Variants in COLQ observed in about 807,000 individuals in gnomAD.
The protein encoded by COLQ is collagen like tail subunit of asymmetric acetylcholinesterase.
Under a neutral mutation model 69.0 loss-of-function variants are expected in COLQ, and 48 were observed. That is an observed-to-expected ratio of 0.70 (90% CI 0.55 to 0.88). The LOEUF (loss-of-function observed/expected upper bound fraction) is 0.88. COLQ is among the 40% of genes least tolerant of loss of function. The pLI is 0.00. For synonymous variants in COLQ, 217 were observed against 211.2 expected, an observed-to-expected ratio of 1.03 and a Z score of -0.24; for missense variants, 618 against 594.6, an observed-to-expected ratio of 1.04 and a Z score of -0.41.
chr3:15,506,733 T>A (rs2062916448), intron 1 of COLQ: 1 of 152,190 alleles, frequency 6.6e-6, no homozygotes, highest in African/African-American at 2.4e-5. Context: ...GGTTCACCCC[T>A]CCCTGAGCAA....
rs1161144711 is a variant in COLQ at position 15,458,471 on chromosome 3, C to T, written c.815-146G>A. ...CCTGAGGGAGAGGTTCAAAGAGATGCTTTTGATCCAAGACATGGAGGAGCT... is the reference window on the plus strand; with the variant it reads ...CCTGAGGGAGAGGTTCAAAGAGATGTTTTTGATCCAAGACATGGAGGAGCT... On this transcript the variant is annotated intron_variant, in intron 12 of 16. Coordinates refer to ENST00000383788, the MANE Select transcript of COLQ (RefSeq NM_005677.4). 3.4e-6 allele frequency: 3 copies of T among 889,828 alleles called. No homozygotes were observed. The East Asian group carries it at 7.7e-5, about 23-fold the overall frequency. 55.1% of individuals were successfully genotyped at this position (889,828 alleles called of 1,614,324 possible).
At chr3:15,466,546 G>T (rs555763475) in intron 11 of COLQ, 109 bp from the exon 12 acceptor site, 2 of 880,408 alleles carry the variant, frequency 2.3e-6, no homozygotes, top group African/African-American at 3.3e-5. Context: ...CAAGAGCCCA[G>T]TGGGGGATGC....
At chr3:15,498,352 A>G (rs2125157403) in intron 1 of COLQ, among the ~76,000 whole-genome samples, 1 of 152,344 alleles carries the variant, frequency 6.6e-6, no homozygotes, top group South Asian at 2.1e-4. Flanking sequence ...GGCTTTCACA[A>G]TGAGAAACAG....
chr3:15,453,372 T>G (rs750677412), intron 16 of COLQ, among the ~76,000 whole-genome samples: 1 of 152,176 alleles, frequency 6.6e-6, no homozygotes, highest in Non-Finnish European at 1.5e-5. Context: ...TCACTTGCAG[T>G]CACAGGCATG....
rs78063716 is a variant in COLQ at position 15,451,772 on chromosome 3, T to C, written c.1299-59A>G. ...CCTCTTATATGCTGGTGACTTCCGG[T>C]CAAACCTTATCAAACAGCGGCCAAG... On this transcript the variant is annotated intron_variant, in intron 16 of 16. Transcript: ENST00000383788. The C allele has an allele frequency of 6.5e-4, 933 of 1,432,790 alleles. 9 individuals are homozygous for C. In the East Asian group the frequency reaches 0.019, roughly 28 times the overall value. 88.8% of individuals were successfully genotyped at this position (1,432,790 alleles called of 1,614,324 possible).
At position 15,470,576 on chromosome 3, in the gene COLQ, T is replaced by C. The variant is rs1331688753; in HGVS notation, c.677A>G (p.His226Arg). ...GPKGEPGIAG[H>R]RGPTGRPGKR... is the part of the protein sequence containing the mutation. ...TCCTGGTCTTCCTGTGGGTCCTCGG[T>C]GTCCTGCTATCCCAGGTTCACCTTT... Residue 226 changes from histidine to arginine, a missense_variant, in exon 11 of 17, where the codon CAC becomes CGC. Coordinates refer to ENST00000383788, the MANE Select transcript of COLQ (RefSeq NM_005677.4). 1 of 1,614,110 alleles carries C rather than the reference T, an allele frequency of 6.2e-7. No homozygotes were observed. Among genetic ancestry groups the C allele is most frequent in the Admixed American group, 1.7e-5 (1 of 60,020 alleles).
chr3:15,477,323 C>A, intron 5 of COLQ, 126 bp from the exon 6 acceptor site: 2 of 811,126 alleles, frequency 2.5e-6, no homozygotes, highest in Non-Finnish European at 4.2e-6. Context: ...TGACCCTCAT[C>A]CCCACTCTCC....
chr3:15,506,608 C>T (rs897658047), intron 1 of COLQ: 12 of 152,172 alleles, frequency 7.9e-5, no homozygotes, highest in African/African-American at 2.9e-4. Flanking sequence ...GGTTTCTTCA[C>T]AGTATTTTTG....
intron 10 of COLQ, among the ~76,000 whole-genome samples, chr3:15,471,029 C>T (rs1042685965): frequency 3.3e-5 from 5 of 152,210 alleles, no homozygotes; most frequent in South Asian, 2.1e-4. Flanking sequence ...TGTTTTCTTA[C>T]GTGCTGTTTT....
At chr3:15,474,901 A>T in intron 8 of COLQ, 24 bp downstream of exon 8, 1 of 1,613,994 alleles carries the variant, frequency 6.2e-7, no homozygotes, top group Non-Finnish European at 8.5e-7. Flanking sequence ...AGGCTCTAGG[A>T]CACCATCCAA....
intron 1 of COLQ, among the ~76,000 whole-genome samples, chr3:15,518,591 A>G (rs997525087): frequency 6.6e-6 from 1 of 152,222 alleles, no homozygotes; most frequent in African/African-American, 2.4e-5. Flanking sequence ...TTGCCAGGTA[A>G]TGAACCTCTG....
At chr3:15,452,521 G>A (rs1013702200) in intron 16 of COLQ, among the ~76,000 whole-genome samples, 1 of 152,180 alleles carries the variant, frequency 6.6e-6, no homozygotes, top group African/African-American at 2.4e-5. Flanking sequence ...ACAGTCACAG[G>A]CGTCCCTCTG....
In COLQ at chr3:15,499,593, G is replaced by A. The variant is rs888150279; in HGVS notation, c.107-9956C>T. On this transcript the variant is annotated intron_variant, in intron 1 of 16. Coordinates refer to ENST00000383788, the MANE Select transcript of COLQ (RefSeq NM_005677.4). Reference sequence around the variant, plus strand: ...GCAGGCTGGATTCGGCCCACAGGCTGTAGTTTGCCAAGCCCTGCACTATAA... The same window carrying A: ...GCAGGCTGGATTCGGCCCACAGGCTATAGTTTGCCAAGCCCTGCACTATAA... Among the ~76,000 whole-genome samples, 12 of 152,362 alleles carry A rather than the reference G, an allele frequency of 7.9e-5. 1 individual carries two copies. The highest frequency in any genetic ancestry group is 1.9e-4 in the East Asian group (1 of 5,190).
At chr3:15,492,696 A>G (rs2062689744) in intron 1 of COLQ, among the ~76,000 whole-genome samples, 1 of 152,106 alleles carries the variant, frequency 6.6e-6, no homozygotes, top group African/African-American at 2.4e-5. Flanking sequence ...TGTAAAAGAG[A>G]ATTCAGTTCT....
At chr3:15,453,395 G>C (rs2061977020) in intron 16 of COLQ, among the ~76,000 whole-genome samples, 1 of 152,212 alleles carries the variant, frequency 6.6e-6, no homozygotes, top group African/African-American at 2.4e-5. Context: ...TGAGGGATGG[G>C]CAGGGTGTTC....
intron 8 of COLQ, 85 bp downstream of exon 8, chr3:15,474,840 C>T: frequency 6.7e-7 from 1 of 1,487,394 alleles, no homozygotes; most frequent in Non-Finnish European, 9.4e-7. Flanking sequence ...TAAAGAGAGA[C>T]CTGGACCCAT....
At chr3:15,508,491 C>T (rs2125174327) in intron 1 of COLQ, among the ~76,000 whole-genome samples, 1 of 152,262 alleles carries the variant, frequency 6.6e-6, no homozygotes, top group Non-Finnish European at 1.5e-5. Flanking sequence ...AACAAGTAGC[C>T]AAGCATATTG....
intron 1 of COLQ, among the ~76,000 whole-genome samples, chr3:15,497,139 G>C (rs1006258354): frequency 6.7e-6 from 1 of 150,280 alleles, no homozygotes; most frequent in African/African-American, 2.5e-5. Flanking sequence ...CGCCTCCAGG[G>C]TTCAAGCCAC....
Position 15,478,981 on chromosome 3 carries a change from C to T in COLQ, c.389G>A (p.Arg130Lys), listed in dbSNP as rs750806839. ...GEKGELGRPG[R>K]KGRPGPPGVP... The stretch of plus-strand genomic sequence containing the variant: ...ACAGAACAGCGCAGACCATACCTTC[C>T]TTCCTGGTCGGCCAAGCTCCCCCTA... The change falls in exon 5 of 17, where the codon AGG becomes AAG. Residue 130 changes from arginine to lysine, a missense_variant. Arg to Lys is a conservative substitution (Grantham distance 26). Coordinates refer to ENST00000383788, the MANE Select transcript of COLQ (RefSeq NM_005677.4). The T allele has an allele frequency of 1.9e-5, 31 of 1,614,094 alleles. No individual in the cohort carries two copies. In the South Asian group the frequency reaches 3.0e-4, roughly 15 times the overall value.
Sources: gnomAD v4.1 joint callset for allele counts (sites outside exome capture counted in the v4.1 genomes callset) on GRCh38, gnomAD v4.1.1 for gene constraint, MANE v1.5 for transcripts, NCBI Gene and HGNC (gene_info 2026-07-23, HGNC 2026-07-21) for gene names.